TASOR: variants seen among roughly 807,000 people sequenced by gnomAD.
TASOR encodes protein TASOR.
In TASOR, 53 loss-of-function variants were observed where a neutral mutation model predicts 178.6. That is an observed-to-expected ratio of 0.30 (90% CI 0.24 to 0.37). The LOEUF is 0.37. Among genes scored for constraint, TASOR ranks in the 10% least tolerant of loss-of-function variants. The pLI, the probability that TASOR is intolerant of heterozygous loss-of-function variation, is 1.00. For missense variants in TASOR, 1,815 were observed against 1,971.4 expected, an observed-to-expected ratio of 0.92 and a Z score of 1.50; for synonymous variants, 713 against 696.2, an observed-to-expected ratio of 1.02 and a Z score of -0.38.
At chr3:56,626,196 C>A (rs1578183298) in intron 21 of TASOR, among the ~76,000 whole-genome samples, 1 of 152,180 alleles carries the variant, frequency 6.6e-6, no homozygotes, top group African/African-American at 2.4e-5. Context: ...TATAGTGTCC[C>A]AAACATGCCT....
intron 7 of TASOR, among the ~76,000 whole-genome samples, chr3:56,665,247 C>T (rs893740575): frequency 1.3e-5 from 2 of 152,172 alleles, no homozygotes; most frequent in African/African-American, 4.8e-5. Context: ...ACTATCAATG[C>T]CTTGACTGCC....
In TASOR at chr3:56,633,217, T is replaced by C; in HGVS notation, c.3574A>G (p.Lys1192Glu). The C allele has an allele frequency of 1.2e-6, 2 of 1,614,154 alleles. No individual in the cohort carries two copies. The highest frequency in any genetic ancestry group is 1.1e-5 in the South Asian group (1 of 91,070). The change falls in exon 18 of 24, where the codon AAA becomes GAA. Residue 1192 changes from lysine to glutamate, a missense_variant. By Grantham distance (56) the Lys-to-Glu change is moderately conservative (BLOSUM62 1). Transcript: ENST00000683822. Reference sequence around the variant, plus strand: ...GAAATGTTTACATCACTGGGGGATTTTGTTGTTTCTTCTACTGGTTCCCGG... The same window carrying C: ...GAAATGTTTACATCACTGGGGGATTCTGTTGTTTCTTCTACTGGTTCCCGG... ...MAREPVEETT[K>E]SPSDVNISAQ...
Position 56,682,838 on chromosome 3 carries a change from G to A in TASOR, c.169C>T (p.Arg57Cys), listed in dbSNP as rs1348820051. 6.4e-7 allele frequency: 1 copy of A among 1,550,404 alleles called. No individual in the cohort carries two copies. The change falls in exon 1 of 24, where the codon CGT (arginine) becomes TGT (cysteine). Residue 57 changes from arginine to cysteine, a missense_variant. Physicochemically the swap from Arg to Cys is radical, Grantham distance 180 (BLOSUM62 -3). Coordinates refer to ENST00000683822, the MANE Select transcript of TASOR (RefSeq NM_001365635.2). ...GCCTCGGCCCCCGCGTTCTCCTCAC[G>A]CCCAGCGCCGCCGCTGGGCTCAGCG... is the stretch of plus-strand genomic sequence containing the variant. ...NIAEPSGGAGREENAGAEAAQ... is the reference protein window; with the variant it reads ...NIAEPSGGAGCEENAGAEAAQ...
Position 56,673,739 on chromosome 3 carries a change from A to G in TASOR, c.332-14T>C. 6.5e-7 allele frequency: 1 copy of G among 1,537,086 alleles called. No individual in the cohort carries two copies. Among genetic ancestry groups the G allele is most frequent in the African/African-American group, 1.4e-5 (1 of 71,974 alleles). ...GCTGGAAAAGTGCTAAAATAAAAAA[A>G]CAAACATTTAAAATGTTTAACATTA... On this transcript the variant is annotated splice_polypyrimidine_tract_variant and intron_variant, in intron 1 of 23. Coordinates refer to ENST00000683822, the MANE Select transcript of TASOR (RefSeq NM_001365635.2).
intron 23 of TASOR, chr3:56,623,772 C>T (rs777503289): frequency 1.3e-5 from 20 of 1,550,072 alleles, no homozygotes; most frequent in Admixed American, 5.9e-5. Context: ...AAAGCTTCTG[C>T]GAAATGTGTT....
At position 56,666,273 on chromosome 3, in the gene TASOR, C is replaced by G; in HGVS notation, c.1009G>C (p.Val337Leu). ...CCTAAGTCTTACCTTGATGAAGGTA[C>G]AAACTTCGGAGTTTGTATATCATCT... The part of the protein sequence containing the change: ...YKDDIQTPKF[V>L]PSSRSNSFNT... Residue 337 changes from valine (V) to leucine (L), a missense_variant, in exon 7 of 24, where the codon GTA becomes CTA. Around this residue, in one of 5 missense-constraint regions of TASOR, gnomAD observed 504 missense variants for 645.3 expected, o/e 0.78. Transcript: ENST00000683822. The G allele has an allele frequency of 6.5e-7, 1 of 1,538,806 alleles. No individual in the cohort carries two copies. The highest frequency in any genetic ancestry group is 8.8e-7 in the Non-Finnish European group (1 of 1,142,162).
chr3:56,627,886 A>G lies in TASOR; in HGVS notation c.3871-145T>C, dbSNP rs928042508. 123 of 608,230 alleles carry G rather than the reference A, an allele frequency of 2.0e-4. No homozygotes were observed. In the African/African-American group the frequency reaches 2.1e-3, roughly 11 times the overall value. 37.7% of individuals were successfully genotyped at this position (608,230 alleles called of 1,614,324 possible). ...TTACCTCTGGAAAGCCACACAAATAATATTCCCAACATTATTTCCCAATAT... is the reference window on the plus strand; with the variant it reads ...TTACCTCTGGAAAGCCACACAAATAGTATTCCCAACATTATTTCCCAATAT... On this transcript the variant is annotated intron_variant, in intron 19 of 23. Coordinates refer to ENST00000683822, the MANE Select transcript of TASOR (RefSeq NM_001365635.2).
At chr3:56,681,594 A>C (rs186806374) in intron 1 of TASOR, among the ~76,000 whole-genome samples, 3 of 152,274 alleles carry the variant, frequency 2.0e-5, no homozygotes, top group Admixed American at 6.5e-5. Context: ...TACAGCCAAG[A>C]CTCTGTACCA....
rs1433638828 is a variant in TASOR, at chr3:56,633,582, G to C, written c.3209C>G (p.Ser1070Cys). 24 of 1,613,958 alleles carry C rather than the reference G, an allele frequency of 1.5e-5. No homozygotes were observed. Among genetic ancestry groups the C allele is most frequent in the African/African-American group, 5.3e-5 (4 of 74,906 alleles). ...TACAAACTCCTGCACACCAGCTTTG[G>C]AAGTCTTAGAATATATGAACTCGGA... ...RLSEFIYSKT[S>C]KAGVQEFVDG... is the part of the protein sequence containing the mutation. The change falls in exon 18 of 24, where the codon TCC becomes TGC. Residue 1070 changes from serine to cysteine, a missense_variant. Ser to Cys is a moderately radical substitution (Grantham distance 112, BLOSUM62 -1). Coordinates refer to ENST00000683822, the MANE Select transcript of TASOR (RefSeq NM_001365635.2).
intron 11 of TASOR, among the ~76,000 whole-genome samples, chr3:56,656,924 T>C (rs1258573592): frequency 4.7e-5 from 7 of 149,006 alleles, no homozygotes; most frequent in Admixed American, 2.7e-4. Flanking sequence ...GCAGGAGAAC[T>C]GCTTGAACCC....
In TASOR at chr3:56,682,607, G is replaced by A. The variant is rs754639337; in HGVS notation, c.331+69C>T. 1.3e-5 allele frequency: 17 copies of A among 1,346,940 alleles called. No homozygotes were observed. The African/African-American group carries it at 1.3e-4, about 11-fold the overall frequency. 83.4% of individuals were successfully genotyped at this position (1,346,940 alleles called of 1,614,324 possible). The stretch of plus-strand genomic sequence containing the variant: ...ATCTCGGATGGGTGTGGGAAGAGGA[G>A]ATAGAAAGATTCTAATGAAAAGATG... On this transcript the variant is annotated intron_variant, in intron 1 of 23. Transcript: ENST00000683822.
chr3:56,643,676 A>G (rs1379878791), intron 14 of TASOR, among the ~76,000 whole-genome samples: 3 of 151,578 alleles, frequency 2.0e-5, no homozygotes, highest in African/African-American at 7.3e-5. Context: ...AATGGCGAGA[A>G]CCAGGGAGGC....
At chr3:56,667,003 A>G (rs2030084266) in intron 6 of TASOR, among the ~76,000 whole-genome samples, 1 of 152,204 alleles carries the variant, frequency 6.6e-6, no homozygotes, top group African/African-American at 2.4e-5. Flanking sequence ...ACAGTTCTTC[A>G]AAGTCCATTC....
Position 56,682,560 on chromosome 3 carries a change from G to T in TASOR, c.331+116C>A, listed in dbSNP as rs532676128. On this transcript the variant is annotated intron_variant, in intron 1 of 23. Coordinates refer to ENST00000683822, the MANE Select transcript of TASOR (RefSeq NM_001365635.2). Reference sequence around the variant, plus strand: ...CGTGGCGGTGAGGGGAGAGGCGGCCGGCGCTGCATGCGTGTTTACGTATCT... The same window carrying T: ...CGTGGCGGTGAGGGGAGAGGCGGCCTGCGCTGCATGCGTGTTTACGTATCT... 8.2e-6 allele frequency: 8 copies of T among 980,836 alleles called. No individual in the cohort carries two copies. The African/African-American group carries it at 1.2e-4, about 15-fold the overall frequency. 60.8% of individuals were successfully genotyped at this position (980,836 alleles called of 1,614,324 possible).
Position 56,624,792 on chromosome 3 carries a change from T to C in TASOR, c.4318+36A>G. The C allele has an allele frequency of 6.2e-7, 1 of 1,601,590 alleles. No individual in the cohort carries two copies. Among genetic ancestry groups the C allele is most frequent in the Non-Finnish European group, 8.5e-7 (1 of 1,172,624 alleles). On this transcript the variant is annotated intron_variant, in intron 22 of 23. Coordinates refer to ENST00000683822, the MANE Select transcript of TASOR (RefSeq NM_001365635.2). The stretch of plus-strand genomic sequence containing the variant: ...TAAAATCCTTTCATTCACATTCCTA[T>C]ATTCATAGTAGAAAGCTTAGGAGTG...
chr3:56,656,455 G>C (rs1461990500), intron 11 of TASOR, among the ~76,000 whole-genome samples: 1 of 152,002 alleles, frequency 6.6e-6, no homozygotes. Flanking sequence ...GCCAGGTATG[G>C]TGTTGCACGC....
At chr3:56,628,029 T>C (rs565953838) in intron 19 of TASOR, among the ~76,000 whole-genome samples, 1 of 152,150 alleles carries the variant, frequency 6.6e-6, no homozygotes, top group South Asian at 2.1e-4. Flanking sequence ...GTGAGTACAG[T>C]CAGAATTCAG....
At chr3:56,648,915 C>G in intron 12 of TASOR, 22 bp from the exon 13 acceptor site, 1 of 1,606,878 alleles carries the variant, frequency 6.2e-7, no homozygotes, top group Non-Finnish European at 8.5e-7. Context: ...AAGCCAAACT[C>G]ATTAGCAATG....
At chr3:56,681,217 G>T (rs1412272599) in intron 1 of TASOR, among the ~76,000 whole-genome samples, 1 of 151,934 alleles carries the variant, frequency 6.6e-6, no homozygotes, top group Non-Finnish European at 1.5e-5. Context: ...CATAACCAGA[G>T]CCCATTTGAA....
Sources: gnomAD v4.1 joint callset for allele counts (sites outside exome capture counted in the v4.1 genomes callset) on GRCh38, gnomAD v4.1.1 for gene constraint, gnomAD v4.1.1 regional missense constraint, MANE v1.5 for transcripts, NCBI Gene and HGNC (gene_info 2026-07-23, HGNC 2026-07-21) for gene names.